Variants in NFIA observed in about 807,000 individuals in gnomAD.
NFIA encodes nuclear factor 1 A-type.
A neutral mutation model predicts 62.8 loss-of-function variants in NFIA; 8 were observed. The ratio of observed to expected loss-of-function variants is 0.13; its 90% CI spans 0.07 to 0.23. The LOEUF is 0.23. Among genes scored for constraint, NFIA ranks in the 10% least tolerant of loss-of-function variants. The probability of loss-of-function intolerance (pLI) is 1.00; values close to 1 mark genes in which losing one functional copy is unlikely to be tolerated. For synonymous variants in NFIA, 235 were observed against 238.1 expected (o/e 0.99, Z 0.12); for missense variants, 410 against 642.1 (o/e 0.64, Z 3.91).
intron 2 of NFIA, among the ~76,000 whole-genome samples, chr1:61,243,133 A>G (rs962083079): frequency 6.6e-6 from 1 of 152,206 alleles, no homozygotes; most frequent in African/African-American, 2.4e-5. Context: ...CAATCATTCA[A>G]TAGGTAAAAC....
chr1:61,434,058 G>A (rs1667222283), intron 10 of NFIA, among the ~76,000 whole-genome samples: 1 of 152,118 alleles, frequency 6.6e-6, no homozygotes, highest in Admixed American at 6.5e-5. Context: ...TGTTTAAATT[G>A]GGCACAGCTA....
intron 3 of NFIA, among the ~76,000 whole-genome samples, 158 bp downstream of exon 3, chr1:61,277,743 C>A (rs1479667547): frequency 1.3e-5 from 2 of 152,128 alleles, no homozygotes; most frequent in Non-Finnish European, 2.9e-5. Context: ...TTTAATAGGG[C>A]AGCTTCTTGT....
chr1:61,279,212 G>T (rs1557678956), intron 3 of NFIA, among the ~76,000 whole-genome samples: 2 of 152,098 alleles, frequency 1.3e-5, no homozygotes, highest in African/African-American at 2.4e-5. Context: ...TGGGGTGAAG[G>T]ATCAAGTTTA....
intron 3 of NFIA, among the ~76,000 whole-genome samples, chr1:61,278,877 T>C (rs1320083910): frequency 1.3e-5 from 2 of 152,196 alleles, no homozygotes; most frequent in Non-Finnish European, 2.9e-5. Flanking sequence ...CTGAATAGGT[T>C]ATTTAACCTC....
chr1:61,267,201 T>TA (rs767705477), intron 2 of NFIA, among the ~76,000 whole-genome samples: 29 of 151,752 alleles, frequency 1.9e-4, no homozygotes, highest in Admixed American at 1.3e-3. Context: ...AAGTCTGATT[T>TA]AAAAAAAAAT....
chr1:61,452,279 ATT>A (rs1668092748), intron 10 of NFIA, among the ~76,000 whole-genome samples: 1 of 151,536 alleles, frequency 6.6e-6, no homozygotes, highest in Non-Finnish European at 1.5e-5. Flanking sequence ...TATTATTATT[ATT>A]AGAACTATCT....
At chr1:61,144,161 T>A (rs1293575951) in intron 2 of NFIA, among the ~76,000 whole-genome samples, 1 of 152,216 alleles carries the variant, frequency 6.6e-6, no homozygotes, top group Non-Finnish European at 1.5e-5. Flanking sequence ...TTCTCAAAAG[T>A]GTAGTTCCTG....
At chr1:61,124,688 C>T (rs565825152) in intron 2 of NFIA, 1 of 152,146 alleles carries the variant, frequency 6.6e-6, no homozygotes, top group Non-Finnish European at 1.5e-5. Flanking sequence ...GAAACGATTA[C>T]CTTTAGTGAT....
chr1:61,399,853 C>G (rs959177377), intron 7 of NFIA, among the ~76,000 whole-genome samples: 1 of 152,130 alleles, frequency 6.6e-6, no homozygotes, highest in Non-Finnish European at 1.5e-5. Flanking sequence ...ACTCTCAGAC[C>G]AAGAATCACT....
intron 7 of NFIA, among the ~76,000 whole-genome samples, chr1:61,399,447 T>C (rs1465697235): frequency 6.6e-6 from 1 of 152,152 alleles, no homozygotes; most frequent in Non-Finnish European, 1.5e-5. Context: ...AAAGCTAACG[T>C]GAAAAGAATC....
chr1:61,271,880 C>T (rs987079049), intron 2 of NFIA, among the ~76,000 whole-genome samples: 1 of 152,048 alleles, frequency 6.6e-6, no homozygotes, highest in East Asian at 1.9e-4. Context: ...ATAAGATTTC[C>T]CATTTAAAGA....
At chr1:61,111,438 T>G (rs1206254296) in intron 2 of NFIA, among the ~76,000 whole-genome samples, 4 of 152,162 alleles carry the variant, frequency 2.6e-5, no homozygotes, top group African/African-American at 9.6e-5. Context: ...CTGCTTATAC[T>G]TTGCTATTTA....
At chr1:61,258,307 G>C (rs1278132056) in intron 2 of NFIA, among the ~76,000 whole-genome samples, 1 of 152,132 alleles carries the variant, frequency 6.6e-6, no homozygotes, top group African/African-American at 2.4e-5. Context: ...GATAGGGTGT[G>C]GAAACAGGCT....
chr1:61,231,549 C>T lies in NFIA; in HGVS notation c.560-45971C>T, dbSNP rs545083450. 5.3e-5 allele frequency among the ~76,000 whole-genome samples: 8 copies of T among 151,982 alleles called. No homozygotes were observed. In the East Asian group the frequency reaches 1.2e-3, roughly 22 times the overall value. On this transcript the variant is annotated intron_variant, in intron 2 of 10. Transcript: ENST00000403491. ...GATCCATTCAAAAAATATCCATGTT[C>T]TTTTATATGCTTAGGACTCAACTTG...
At chr1:61,129,663 G>C (rs1026130077) in intron 2 of NFIA, among the ~76,000 whole-genome samples, 8 of 151,614 alleles carry the variant, frequency 5.3e-5, no homozygotes, top group Admixed American at 4.6e-4. Flanking sequence ...TGGCCAGGCT[G>C]ATCTTGGAAC....
rs532088020 is a variant in NFIA at position 61,352,379 on chromosome 1, A to G, written c.701-71A>G. 81 of 1,050,484 alleles carry G rather than the reference A, an allele frequency of 7.7e-5. 1 individual carries two copies. The South Asian group carries it at 9.1e-4, about 12-fold the overall frequency. 65.1% of individuals were successfully genotyped at this position (1,050,484 alleles called of 1,614,324 possible). ...AAAAAGAAAATGTGCTAAATGCAAC[A>G]CTGAGGATGCTGTCATTGATTTTTT... is the stretch of plus-strand genomic sequence containing the variant. On this transcript the variant is annotated intron_variant, in intron 4 of 10. Coordinates refer to ENST00000403491, the MANE Select transcript of NFIA (RefSeq NM_001134673.4).
At chr1:61,099,029 G>T (rs570221606) in intron 2 of NFIA, among the ~76,000 whole-genome samples, 2 of 152,232 alleles carry the variant, frequency 1.3e-5, no homozygotes, top group South Asian at 4.1e-4. Flanking sequence ...TTTGCCCCTG[G>T]CCCCAGAAAA....
Position 61,257,329 on chromosome 1 carries a change from G to GTTTTTTT in NFIA, c.560-20171_560-20165dup, listed in dbSNP as rs67912567. ...TGTTTTTTATATTTTTTACTGCGTT[G>GTTTTTTT]TTTTTTTTTTTTTTTTTTTTTTTTT... is the stretch of plus-strand genomic sequence containing the variant. On this transcript the variant is annotated intron_variant, in intron 2 of 10. Coordinates refer to ENST00000403491, the MANE Select transcript of NFIA (RefSeq NM_001134673.4). 3.7e-5 allele frequency among the ~76,000 whole-genome samples: 2 copies of GTTTTTTT among 54,730 alleles called. 1 individual carries two copies. Among genetic ancestry groups the GTTTTTTT allele is most frequent in the East Asian group, 1.4e-3 (2 of 1,444 alleles). The allele number at this position is 54,730 out of a possible 152,430, so 35.9% of individuals were successfully genotyped here. A position where few individuals can be genotyped will look rare whatever the true frequency, so the allele number is the denominator to read the frequency against.
intron 7 of NFIA, among the ~76,000 whole-genome samples, chr1:61,391,203 G>A (rs1452651122): frequency 1.3e-5 from 2 of 152,010 alleles, no homozygotes; most frequent in Admixed American, 6.5e-5. Context: ...TGGGACTACA[G>A]GCGCATGCCA....
Sources: gnomAD v4.1 joint callset for allele counts (sites outside exome capture counted in the v4.1 genomes callset) on GRCh38, gnomAD v4.1.1 for gene constraint, MANE v1.5 for transcripts, NCBI Gene and HGNC (gene_info 2026-07-23, HGNC 2026-07-21) for gene names.